SYNPR: variants seen among roughly 807,000 people sequenced by gnomAD.
SYNPR encodes synaptoporin.
In SYNPR, 23 loss-of-function variants were observed where a neutral mutation model predicts 32.9. The ratio of observed to expected loss-of-function variants is 0.70; its 90% CI spans 0.50 to 0.99. The LOEUF (loss-of-function observed/expected upper bound fraction) is 0.99, where lower values mean the gene tolerates loss of function less well. Ranked by LOEUF, SYNPR falls within the 50% of genes least tolerant of loss-of-function variation. SYNPR has a pLI of 0.00. For synonymous variants in SYNPR, 146 were observed against 135.9 expected (o/e 1.07, Z -0.52); for missense variants, 318 against 349.3 (o/e 0.91, Z 0.71).
At chr3:63,218,659 C>T in the SYNPR span, among the ~76,000 whole-genome samples, 20 of 152,144 alleles carry the variant, frequency 1.3e-4, no homozygotes, top group Non-Finnish European at 2.4e-4. Context: ...TGATCCGTCC[C>T]GCCTCAGCCT....
At chr3:63,334,573 G>C (rs1027782323) in intron 2 of SYNPR, among the ~76,000 whole-genome samples, 1 of 151,316 alleles carries the variant, frequency 6.6e-6, no homozygotes, top group East Asian at 1.9e-4. Flanking sequence ...CACGTGGACA[G>C]GCAGATGATG....
chr3:63,234,836 AC>A (rs1289904547), intron 1 of SYNPR, among the ~76,000 whole-genome samples: 2 of 152,202 alleles, frequency 1.3e-5, no homozygotes, highest in Non-Finnish European at 2.9e-5. Flanking sequence ...ACATAGTTTA[AC>A]GCAGTGGGGA....
rs573796677 is a variant in SYNPR, at chr3:63,392,520, A to C, written c.85-88312A>C. On this transcript the variant is annotated intron_variant, in intron 2 of 5. Coordinates refer to ENST00000478300, the MANE Select transcript of SYNPR (RefSeq NM_001130003.2). The stretch of plus-strand genomic sequence containing the variant: ...CTGGGAAATAGAGCTGCATCCTCAT[A>C]AGGCTGCTGTGAGAATCCAGGGAGA... Among the ~76,000 whole-genome samples, 101 of 152,254 alleles carry C rather than the reference A, an allele frequency of 6.6e-4. No individual in the cohort carries two copies. The Middle Eastern group carries it at 0.01, about 15-fold the overall frequency.
the SYNPR span, among the ~76,000 whole-genome samples, chr3:63,208,310 T>C: frequency 6.6e-6 from 1 of 152,188 alleles, no homozygotes; most frequent in Non-Finnish European, 1.5e-5. Flanking sequence ...AAAGATTAAC[T>C]GCTCTGCCTC....
chr3:63,366,694 G>A (rs1479386622), intron 2 of SYNPR, among the ~76,000 whole-genome samples: 1 of 152,174 alleles, frequency 6.6e-6, no homozygotes, highest in Non-Finnish European at 1.5e-5. Context: ...GAGTTACAAT[G>A]AGTAGTCCTG....
intron 2 of SYNPR, among the ~76,000 whole-genome samples, chr3:63,434,463 A>T (rs903264383): frequency 6.6e-6 from 1 of 152,228 alleles, no homozygotes; most frequent in Non-Finnish European, 1.5e-5. Flanking sequence ...GTTGGCTATG[A>T]CACCCCCCCT....
At chr3:63,202,640 C>A in the SYNPR span, among the ~76,000 whole-genome samples, 62,759 of 152,072 alleles carry the variant, frequency 0.41, 14,261 homozygotes, top group Admixed American at 0.52. Context: ...AAAGTGAATT[C>A]TTTAGAATGT....
chr3:63,466,887 G>T (rs1700692676), intron 2 of SYNPR, among the ~76,000 whole-genome samples: 1 of 152,170 alleles, frequency 6.6e-6, no homozygotes, highest in Non-Finnish European at 1.5e-5. Flanking sequence ...ACTGGGGGTT[G>T]GGACTTTGAC....
intron 3 of SYNPR, among the ~76,000 whole-genome samples, chr3:63,536,877 T>G (rs1702218502): frequency 6.6e-6 from 1 of 152,164 alleles, no homozygotes; most frequent in African/African-American, 2.4e-5. Flanking sequence ...AGTCCGTTTC[T>G]ATAAAATTTT....
At chr3:63,363,211 T>C (rs1163936039) in intron 2 of SYNPR, among the ~76,000 whole-genome samples, 3 of 152,210 alleles carry the variant, frequency 2.0e-5, no homozygotes, top group Non-Finnish European at 2.9e-5. Context: ...TATGTTTCAG[T>C]AGAAAATATC....
chr3:63,293,262 C>T (rs767569834), intron 2 of SYNPR, among the ~76,000 whole-genome samples: 3 of 152,134 alleles, frequency 2.0e-5, no homozygotes, highest in Non-Finnish European at 4.4e-5. Flanking sequence ...TGACTTCTTG[C>T]CTTTCCCATG....
intron 3 of SYNPR, among the ~76,000 whole-genome samples, chr3:63,494,270 C>T (rs1251212368): frequency 1.3e-5 from 2 of 150,530 alleles, no homozygotes; most frequent in South Asian, 2.1e-4. Context: ...CTTTCACACC[C>T]CCGCCAACAA....
At chr3:63,586,575 G>A (rs564966492) in intron 4 of SYNPR, among the ~76,000 whole-genome samples, 3 of 151,304 alleles carry the variant, frequency 2.0e-5, no homozygotes, top group African/African-American at 4.9e-5. Flanking sequence ...GAAACATGCC[G>A]ATATTTGAGG....
At chr3:63,434,051 C>G (rs1272299308) in intron 2 of SYNPR, among the ~76,000 whole-genome samples, 1 of 152,074 alleles carries the variant, frequency 6.6e-6, no homozygotes, top group Non-Finnish European at 1.5e-5. Context: ...CAGATCATGA[C>G]TAGGCTTTTT....
intron 3 of SYNPR, among the ~76,000 whole-genome samples, chr3:63,272,792 C>G (rs954238724): frequency 8.5e-5 from 13 of 152,246 alleles, no homozygotes; most frequent in Middle Eastern, 3.4e-3. Flanking sequence ...TGAGACTAAT[C>G]TCACATCTCT....
At chr3:63,487,562 G>A (rs1445912281) in intron 3 of SYNPR, among the ~76,000 whole-genome samples, 1 of 152,108 alleles carries the variant, frequency 6.6e-6, no homozygotes, top group Non-Finnish European at 1.5e-5. Context: ...CAAATGGCCA[G>A]TTTGTTATAT....
chr3:63,534,756 A>G (rs1318699127), intron 3 of SYNPR, among the ~76,000 whole-genome samples: 1 of 152,154 alleles, frequency 6.6e-6, no homozygotes, highest in Non-Finnish European at 1.5e-5. Context: ...ACCACTGTGT[A>G]TGATGAGGTA....
At chr3:63,554,931 C>T (rs1702569585) in intron 3 of SYNPR, among the ~76,000 whole-genome samples, 1 of 152,012 alleles carries the variant, frequency 6.6e-6, no homozygotes, top group Admixed American at 6.5e-5. Context: ...TCTTTCACCT[C>T]CTTGGTTAGC....
At chr3:63,508,165 A>T (rs1575682140) in intron 3 of SYNPR, among the ~76,000 whole-genome samples, 1 of 151,922 alleles carries the variant, frequency 6.6e-6, no homozygotes, top group African/African-American at 2.4e-5. Context: ...ACCACTATCA[A>T]CTCTATACAT....
Sources: allele counts gnomAD v4.1 joint callset (sites outside exome capture counted in the v4.1 genomes callset), GRCh38; gene constraint gnomAD v4.1.1; transcripts MANE v1.5; gene names NCBI Gene and HGNC (gene_info 2026-07-23, HGNC 2026-07-21).